The following DNAAF1 variants were observed in gnomAD, a reference collection of about 807,000 sequenced individuals.
DNAAF1 encodes the protein dynein axonemal assembly factor 1, also known as dynein assembly factor 1, axonemal.
DNAAF1 carries 65 observed loss-of-function variants against 71.1 expected under a neutral mutation model. That is an observed-to-expected ratio of 0.91 (90% CI 0.75 to 1.12). DNAAF1 has a LOEUF of 1.12. DNAAF1 is among the 50% of genes most tolerant of loss of function. DNAAF1 has a pLI of 0.00. For synonymous variants in DNAAF1, 414 were observed against 354.6 expected, an observed-to-expected ratio of 1.17 and a Z score of -1.88; for missense variants, 1,178 against 899.8, an observed-to-expected ratio of 1.31 and a Z score of -3.96.
Position 84,177,816 on chromosome 16 carries a change from C to T in DNAAF1, c.2153C>T (p.Ala718Val). ...GCTCTGCCCACGTGGGACCTCACTGCATTCCCAGCACCGAAAGCATCATAG... is the reference window on the plus strand; with the variant it reads ...GCTCTGCCCACGTGGGACCTCACTGTATTCCCAGCACCGAAAGCATCATAG... ...SQALPTWDLTAFPAPKAS is the reference protein window; with the variant it reads ...SQALPTWDLTVFPAPKAS Residue 718 changes from alanine to valine, a missense_variant, in exon 12 of 12, where the codon GCA becomes GTA. Coordinates refer to ENST00000378553, the MANE Select transcript of DNAAF1 (RefSeq NM_178452.6). 1.2e-6 allele frequency: 2 copies of T among 1,613,968 alleles called. No individual in the cohort carries two copies. The highest frequency in any genetic ancestry group is 1.1e-5 in the South Asian group (1 of 91,086).
chr16:84,162,522 C>A (rs1265804124), intron 6 of DNAAF1, among the ~76,000 whole-genome samples: 2 of 151,578 alleles, frequency 1.3e-5, no homozygotes, highest in Non-Finnish European at 2.9e-5. Context: ...TTCTCATCAC[C>A]CTAAAAAGGA....
Position 84,149,014 on chromosome 16 carries a change from T to A in DNAAF1, c.132T>A (p.Asn44Lys). 1 of 1,614,112 alleles carries A rather than the reference T, an allele frequency of 6.2e-7. No homozygotes were observed. Among genetic ancestry groups the A allele is most frequent in the Non-Finnish European group, 8.5e-7 (1 of 1,180,002 alleles). ...ATCTCTTTTATTTTACAGAAATTAA[T>A]GATCCTAAGGAAATATGTGTGGGTT... ...AGRGGCKEEI[N>K]DPKEICVGSS... Residue 44 changes from asparagine to lysine, a missense_variant, in exon 2 of 12, where the codon AAT (asparagine) becomes AAA (lysine). Asn to Lys is a moderately conservative substitution (Grantham distance 94). Coordinates refer to ENST00000378553, the MANE Select transcript of DNAAF1 (RefSeq NM_178452.6).
chr16:84,159,547 C>G (rs533085888), intron 5 of DNAAF1, 128 bp from the exon 6 acceptor site: 5 of 1,290,442 alleles, frequency 3.9e-6, no homozygotes, highest in Non-Finnish European at 5.4e-6. Context: ...GTCACCAGGA[C>G]AGGATATTGG....
chr16:84,174,697 A>C lies in DNAAF1; in HGVS notation c.1673A>C (p.Glu558Ala). The change falls in exon 10 of 12, where the codon GAA (glutamate) becomes GCA (alanine). Residue 558 changes from glutamate to alanine, a missense_variant. Glu to Ala is a moderately radical substitution (Grantham distance 107). Coordinates refer to ENST00000378553, the MANE Select transcript of DNAAF1 (RefSeq NM_178452.6). ...CTACCTGACTTGGAAGATGATGATG[A>C]AACAGGCAAATCTCTGGAAGACCAG... ...DDLPDLEDDDETGKSLEDQNM... is the reference protein window; with the variant it reads ...DDLPDLEDDDATGKSLEDQNM... The C allele has an allele frequency of 1.2e-6, 2 of 1,614,218 alleles. No individual in the cohort carries two copies. The highest frequency in any genetic ancestry group is 1.7e-6 in the Non-Finnish European group (2 of 1,180,030).
At chr16:84,145,968 G>T (rs2086883013) in intron 1 of DNAAF1, among the ~76,000 whole-genome samples, 1 of 152,098 alleles carries the variant, frequency 6.6e-6, no homozygotes, top group Non-Finnish European at 1.5e-5. Context: ...GTGGTGGCGG[G>T]CGCCTGTAGT....
chr16:84,151,771 G>A (rs947634028), intron 3 of DNAAF1, among the ~76,000 whole-genome samples: 4 of 152,194 alleles, frequency 2.6e-5, no homozygotes, highest in African/African-American at 9.7e-5. Context: ...GGCTTGACGA[G>A]GGCTAGAGAA....
intron 6 of DNAAF1, among the ~76,000 whole-genome samples, chr16:84,163,598 C>G (rs1460204144): frequency 1.3e-5 from 2 of 152,122 alleles, no homozygotes; most frequent in Non-Finnish European, 2.9e-5. Context: ...CCAGGATGGT[C>G]TCAATCTCTT....
intron 6 of DNAAF1, among the ~76,000 whole-genome samples, chr16:84,160,938 A>C (rs1194026944): frequency 6.8e-6 from 1 of 147,558 alleles, no homozygotes; most frequent in African/African-American, 2.5e-5. Flanking sequence ...CTCCGTCTCA[A>C]AAAAAAAAAA....
chr16:84,149,256 A>G (rs2151207015), intron 2 of DNAAF1, 114 bp downstream of exon 2: 6 of 1,341,780 alleles, frequency 4.5e-6, no homozygotes, highest in South Asian at 1.2e-5. Context: ...TGCCTGCCCA[A>G]TGTCTGAGAA....
chr16:84,159,692 G>A lies in DNAAF1; in HGVS notation c.759G>A (p.Met253Ile). Residue 253 changes from methionine (M) to isoleucine (I), a missense_variant, in exon 6 of 12, where the codon ATG becomes ATA. Physicochemically the swap from Met to Ile is conservative, Grantham distance 10 (BLOSUM62 1). Transcript: ENST00000378553. ...SMPDLRVLNL[M>I]GNPVIRQIPN... ...TCTTGCAGCGTGTACTGAATTTGAT[G>A]GGAAACCCGGTTATCAGACAGATTC... The A allele has an allele frequency of 6.2e-7, 1 of 1,613,162 alleles. No individual in the cohort carries two copies. The highest frequency in any genetic ancestry group is 8.5e-7 in the Non-Finnish European group (1 of 1,179,458).
At chr16:84,174,101 C>A in intron 9 of DNAAF1, 1 of 849,086 alleles carries the variant, frequency 1.2e-6, no homozygotes, top group Non-Finnish European at 1.4e-6. Context: ...AGGCAACTTG[C>A]CCAAAGCCAG....
intron 2 of DNAAF1, 150 bp downstream of exon 2, chr16:84,149,292 C>A: frequency 1.9e-6 from 2 of 1,033,104 alleles, no homozygotes; most frequent in Non-Finnish European, 2.9e-6. Flanking sequence ...ACTGCCTCTG[C>A]CGCACAGCTG....
Position 84,165,809 on chromosome 16 carries a change from G to A in DNAAF1, c.890G>A (p.Gly297Glu). The A allele has an allele frequency of 3.7e-6, 6 of 1,613,776 alleles. No homozygotes were observed. The highest frequency in any genetic ancestry group is 1.7e-5 in the Admixed American group (1 of 59,944). ...DRACAEAWAR[G>E]GYAAEKEERQ... is the part of the protein sequence containing the mutation. ...GCTTGTGCGGAGGCCTGGGCTAGGGGAGGGTACGCAGCTGAAAAGGAGGAG... is the reference window on the plus strand; with the variant it reads ...GCTTGTGCGGAGGCCTGGGCTAGGGAAGGGTACGCAGCTGAAAAGGAGGAG... The change falls in exon 7 of 12, where the codon GGA becomes GAA. Residue 297 changes from glycine to glutamate, a missense_variant. Gly to Glu is a moderately conservative substitution (Grantham distance 98). Transcript: ENST00000378553.
chr16:84,163,689 A>G (rs2087827820), intron 6 of DNAAF1, among the ~76,000 whole-genome samples: 1 of 151,560 alleles, frequency 6.6e-6, no homozygotes, highest in African/African-American at 2.4e-5. Context: ...CTGTCTTTTT[A>G]TTTCTAGTCC....
At chr16:84,169,255 A>T (rs1220607675) in intron 7 of DNAAF1, among the ~76,000 whole-genome samples, 7 of 146,204 alleles carry the variant, frequency 4.8e-5, no homozygotes, top group Middle Eastern at 3.4e-3. Flanking sequence ...ATTTTTTTGT[A>T]TTTTTTTTTC....
intron 3 of DNAAF1, among the ~76,000 whole-genome samples, chr16:84,153,537 C>T (rs1042789274): frequency 3.9e-5 from 6 of 152,050 alleles, no homozygotes; most frequent in African/African-American, 7.3e-5. Flanking sequence ...GCTTGGAAGG[C>T]GAGAGAGAAA....
chr16:84,156,141 T>C (rs1276818210), intron 5 of DNAAF1, among the ~76,000 whole-genome samples: 1 of 152,174 alleles, frequency 6.6e-6, no homozygotes, highest in East Asian at 1.9e-4. Context: ...TTTTGTATTC[T>C]TAGTAGATTC....
At chr16:84,148,201 T>C (rs1341022018) in intron 1 of DNAAF1, among the ~76,000 whole-genome samples, 2 of 152,256 alleles carry the variant, frequency 1.3e-5, no homozygotes, top group Admixed American at 6.5e-5. Context: ...CACTTCTCTA[T>C]ACATGTATGC....
intron 9 of DNAAF1, chr16:84,173,930 T>A (rs1480709675): frequency 6.5e-6 from 1 of 153,368 alleles, no homozygotes. Context: ...TATAGATAAC[T>A]ACAACACTAA....
Sources: gnomAD v4.1 joint callset for allele counts (sites outside exome capture counted in the v4.1 genomes callset) on GRCh38, gnomAD v4.1.1 for gene constraint, MANE v1.5 for transcripts, NCBI Gene and HGNC (gene_info 2026-07-23, HGNC 2026-07-21) for gene names.